SORCS1: variants seen among roughly 807,000 people sequenced by gnomAD.
The protein encoded by SORCS1 is sortilin related VPS10 domain containing receptor 1.
In SORCS1, 60 loss-of-function variants were observed where a neutral mutation model predicts 146.1. The observed-to-expected ratio is 0.41, with a 90% CI of 0.33 to 0.51. The LOEUF is 0.51. Among genes scored for constraint, SORCS1 ranks in the 20% least tolerant of loss-of-function variants. The pLI, the probability that SORCS1 is intolerant of heterozygous loss-of-function variation, is 0.21. For synonymous variants in SORCS1, 637 were observed against 584.0 expected, an observed-to-expected ratio of 1.09 and a Z score of -1.31; for missense variants, 1,352 against 1,487.6, an observed-to-expected ratio of 0.91 and a Z score of 1.50.
intron 1 of SORCS1, among the ~76,000 whole-genome samples, chr10:107,068,484 G>T (rs1462636326): frequency 2.0e-5 from 3 of 152,132 alleles, no homozygotes; most frequent in South Asian, 4.1e-4. Context: ...AAGGTTAAGT[G>T]ACCAACCAGT....
intron 17 of SORCS1, among the ~76,000 whole-genome samples, chr10:106,660,080 C>T (rs765742278): frequency 2.0e-5 from 3 of 152,056 alleles, no homozygotes; most frequent in Non-Finnish European, 2.9e-5. Flanking sequence ...TTCTCCTTGA[C>T]GCACACTGAA....
chr10:107,007,542 C>G (rs1289125976), intron 1 of SORCS1, among the ~76,000 whole-genome samples: 2 of 152,208 alleles, frequency 1.3e-5, no homozygotes, highest in Non-Finnish European at 2.9e-5. Context: ...CTGAGCCTCT[C>G]TAGTTCACGC....
At chr10:106,984,527 G>A (rs989510270) in intron 1 of SORCS1, among the ~76,000 whole-genome samples, 3 of 151,360 alleles carry the variant, frequency 2.0e-5, no homozygotes, top group African/African-American at 7.3e-5. Context: ...CTGAGTAGCT[G>A]GGACTACAGG....
At chr10:106,867,779 A>G (rs1950274102) in intron 2 of SORCS1, among the ~76,000 whole-genome samples, 1 of 152,220 alleles carries the variant, frequency 6.6e-6, no homozygotes, top group African/African-American at 2.4e-5. Flanking sequence ...GACCAGTAAC[A>G]GTATAAAGCA....
intron 5 of SORCS1, among the ~76,000 whole-genome samples, chr10:106,739,938 G>A (rs1311803919): frequency 3.4e-5 from 5 of 147,132 alleles, no homozygotes; most frequent in African/African-American, 1.3e-4. Flanking sequence ...GCGACAGAGT[G>A]AGACTCTGTC....
At chr10:106,769,245 G>A (rs928822911) in intron 4 of SORCS1, among the ~76,000 whole-genome samples, 2 of 151,976 alleles carry the variant, frequency 1.3e-5, no homozygotes, top group Non-Finnish European at 2.9e-5. Context: ...CAGCACTTTG[G>A]GAGGCTGAGG....
At chr10:107,104,874 C>G (rs565025492) in intron 1 of SORCS1, among the ~76,000 whole-genome samples, 1 of 152,086 alleles carries the variant, frequency 6.6e-6, no homozygotes, top group Admixed American at 6.5e-5. Context: ...AAAGAGCTGG[C>G]AAGTGTGAAA....
intron 1 of SORCS1, among the ~76,000 whole-genome samples, chr10:107,013,314 A>G (rs1021086705): frequency 6.6e-6 from 1 of 152,060 alleles, no homozygotes; most frequent in African/African-American, 2.4e-5. Flanking sequence ...ATTCAGCAAG[A>G]AACCTTGCAG....
intron 2 of SORCS1, among the ~76,000 whole-genome samples, chr10:106,883,389 A>C (rs187547433): frequency 6.6e-6 from 1 of 151,546 alleles, no homozygotes; most frequent in Non-Finnish European, 1.5e-5. Flanking sequence ...AAAGTGCAAC[A>C]TCATTTAAAA....
chr10:106,868,832 A>G (rs1258185185), intron 2 of SORCS1, among the ~76,000 whole-genome samples: 1 of 152,212 alleles, frequency 6.6e-6, no homozygotes, highest in Non-Finnish European at 1.5e-5. Context: ...GCAAGAAATA[A>G]CCAAAATCAG....
At chr10:106,885,758 A>C (rs973778550) in intron 2 of SORCS1, among the ~76,000 whole-genome samples, 1 of 152,198 alleles carries the variant, frequency 6.6e-6, no homozygotes, top group African/African-American at 2.4e-5. Context: ...GGGAGGGACC[A>C]GGTGGAAGAT....
intron 18 of SORCS1, among the ~76,000 whole-genome samples, chr10:106,648,691 G>C (rs1589563001): frequency 1.3e-5 from 2 of 152,236 alleles, no homozygotes; most frequent in East Asian, 1.9e-4. Context: ...GTGCTGGAAA[G>C]GGAAGGGAAT....
intron 2 of SORCS1, among the ~76,000 whole-genome samples, chr10:106,949,834 G>A (rs1479748105): frequency 6.6e-6 from 1 of 152,206 alleles, no homozygotes; most frequent in African/African-American, 2.4e-5. Context: ...GACAGACACT[G>A]CAGGTTGTGT....
chr10:106,813,528 C>T (rs1175700351), intron 3 of SORCS1, among the ~76,000 whole-genome samples: 1 of 152,136 alleles, frequency 6.6e-6, no homozygotes, highest in African/African-American at 2.4e-5. Context: ...CAGCTGTAGG[C>T]CACCAGGAAA....
intron 1 of SORCS1, among the ~76,000 whole-genome samples, chr10:106,997,057 C>G (rs1260186458): frequency 2.0e-5 from 3 of 151,080 alleles, no homozygotes; most frequent in Admixed American, 2.0e-4. Flanking sequence ...CTTTATAAAG[C>G]TGCACCAGAT....
intron 21 of SORCS1, among the ~76,000 whole-genome samples, chr10:106,617,239 C>T (rs549620446): frequency 2.6e-5 from 4 of 152,040 alleles, no homozygotes; most frequent in Admixed American, 6.6e-5. Context: ...AGAAGTGAGC[C>T]GCCGCACCCA....
At chr10:106,828,166 C>T (rs1035982676) in intron 3 of SORCS1, among the ~76,000 whole-genome samples, 1 of 152,186 alleles carries the variant, frequency 6.6e-6, no homozygotes, top group African/African-American at 2.4e-5. Flanking sequence ...TTAAGTAAAT[C>T]ACCATGCTTA....
At chr10:107,088,308 T>C (rs1478992848) in intron 1 of SORCS1, among the ~76,000 whole-genome samples, 2 of 152,132 alleles carry the variant, frequency 1.3e-5, no homozygotes, top group Non-Finnish European at 2.9e-5. Flanking sequence ...GATCTCAGAA[T>C]TGTGAGACAA....
chr10:106,987,643 G>C, intron 1 of SORCS1, among the ~76,000 whole-genome samples: 1 of 152,094 alleles, frequency 6.6e-6, no homozygotes, highest in East Asian at 1.9e-4. Context: ...CTCTTTCATG[G>C]ATTAAAACCC....
Sources: allele counts gnomAD v4.1 joint callset (sites outside exome capture counted in the v4.1 genomes callset), GRCh38; gene constraint gnomAD v4.1.1; transcripts MANE v1.5; gene names NCBI Gene and HGNC (gene_info 2026-07-23, HGNC 2026-07-21).